TGFBRAP1: variants seen among roughly 807,000 people sequenced by gnomAD.
TGFBRAP1 encodes transforming growth factor-beta receptor-associated protein 1.
Under a neutral mutation model 83.2 loss-of-function variants are expected in TGFBRAP1, and 20 were observed. The observed-to-expected ratio is 0.24, with a 90% confidence interval of 0.17 to 0.35. TGFBRAP1 has a LOEUF of 0.35. Among genes scored for constraint, TGFBRAP1 ranks in the 10% least tolerant of loss-of-function variants. The pLI is 1.00. For missense variants in TGFBRAP1, 950 were observed against 1,099.4 expected (o/e 0.86, Z 1.92); for synonymous variants, 415 against 459.8 (o/e 0.90, Z 1.25).
At position 105,280,236 on chromosome 2, in the gene TGFBRAP1, C is replaced by A. The variant is rs80159673; in HGVS notation, c.1463+146G>T. 9,684 of 792,254 alleles carry A rather than the reference C, an allele frequency of 0.012. 674 individuals carry two copies. In the African/African-American group the frequency reaches 0.15, roughly 12 times the overall value. The allele number at this position is 792,254 out of a possible 1,614,324, so 49.1% of individuals were successfully genotyped here. ...TGAGGAGCACATGCATCTGCTGTCA[C>A]TATGATTTCGTGGCAGTCACCTATA... On this transcript the variant is annotated intron_variant, in intron 6 of 11. Transcript: ENST00000393359.
chr2:105,328,607 G>C (rs1023040613), intron 1 of TGFBRAP1, among the ~76,000 whole-genome samples: 1 of 152,172 alleles, frequency 6.6e-6, no homozygotes, highest in African/African-American at 2.4e-5. Context: ...ACACAACGCA[G>C]TAGGATCTTC....
At position 105,303,309 on chromosome 2, in the gene TGFBRAP1, C is replaced by T. The variant is rs570632189; in HGVS notation, c.688+4305G>A. Among the ~76,000 whole-genome samples, 9 of 152,316 alleles carry T rather than the reference C, an allele frequency of 5.9e-5. No individual in the cohort carries two copies. The South Asian group carries it at 1.7e-3, about 28-fold the overall frequency. On this transcript the variant is annotated intron_variant, in intron 2 of 11. Coordinates refer to ENST00000393359, the MANE Select transcript of TGFBRAP1 (RefSeq NM_004257.6). ...AAAAAGACATACTTCCCAGCACTGT[C>T]TACTGAAAGAAGGGCCTAGAAACAA...
intron 1 of TGFBRAP1, among the ~76,000 whole-genome samples, chr2:105,312,877 C>T (rs745971805): frequency 6.6e-6 from 1 of 152,030 alleles, no homozygotes; most frequent in Non-Finnish European, 1.5e-5. Flanking sequence ...TTTGGGAGGC[C>T]GAGGCAGGTG....
rs192884878 is a variant in TGFBRAP1 at position 105,295,725 on chromosome 2, C to T, written c.1038+631G>A. On this transcript the variant is annotated intron_variant, in intron 4 of 11. Coordinates refer to ENST00000393359, the MANE Select transcript of TGFBRAP1 (RefSeq NM_004257.6). ...ACTCGGGAGGCTGAGGCAGGAGAAT[C>T]GCTTGAACTCGGGAGGCAGAGGTTG... Among the ~76,000 whole-genome samples the T allele has an allele frequency of 9.4e-5, 14 of 148,420 alleles. No individual in the cohort carries two copies. In the East Asian group the frequency reaches 2.4e-3, roughly 26 times the overall value.
chr2:105,283,555 G>A (rs568878693), intron 5 of TGFBRAP1, among the ~76,000 whole-genome samples: 6 of 152,342 alleles, frequency 3.9e-5, no homozygotes, highest in Admixed American at 3.9e-4. Flanking sequence ...TAAAGGCAGT[G>A]CCTGAGTACG....
At chr2:105,288,822 G>C (rs1573182436) in intron 4 of TGFBRAP1, among the ~76,000 whole-genome samples, 1 of 152,226 alleles carries the variant, frequency 6.6e-6, no homozygotes, top group East Asian at 1.9e-4. Flanking sequence ...TTGTAAACAG[G>C]TGTGCATGTA....
intron 4 of TGFBRAP1, among the ~76,000 whole-genome samples, chr2:105,295,665 G>A (rs1006295882): frequency 6.6e-6 from 1 of 151,932 alleles, no homozygotes; most frequent in Non-Finnish European, 1.5e-5. Flanking sequence ...ACAAAAATTT[G>A]CTGGGTGTGG....
downstream of TGFBRAP1, among the ~76,000 whole-genome samples, chr2:105,261,774 G>A (rs1448736437): frequency 6.6e-6 from 1 of 152,040 alleles, no homozygotes; most frequent in Non-Finnish European, 1.5e-5. Flanking sequence ...GACAGGCAAG[G>A]CAAGGCAAGG....
At chr2:105,279,597 C>T (rs1373140845) in intron 6 of TGFBRAP1, among the ~76,000 whole-genome samples, 6 of 119,284 alleles carry the variant, frequency 5.0e-5, no homozygotes, top group Non-Finnish European at 1.3e-4. Context: ...CATGTATCAA[C>T]AAAATCAAGA....
chr2:105,290,898 C>A (rs533409689), intron 4 of TGFBRAP1, among the ~76,000 whole-genome samples: 1 of 151,888 alleles, frequency 6.6e-6, no homozygotes, highest in Non-Finnish European at 1.5e-5. Flanking sequence ...CCCAACTACT[C>A]GGGAGGCTGA....
At chr2:105,259,670 T>C (rs1284137931), downstream of TGFBRAP1, among the ~76,000 whole-genome samples, 2 of 152,168 alleles carry the variant, frequency 1.3e-5, no homozygotes, top group Non-Finnish European at 2.9e-5. Flanking sequence ...ACAGGGCAGG[T>C]GGCCACTCTG....
chr2:105,273,667 C>T lies in TGFBRAP1; in HGVS notation c.1689G>A (p.Lys563=), dbSNP rs556136365. 1 of 1,614,168 alleles carries T rather than the reference C, an allele frequency of 6.2e-7. No homozygotes were observed. The highest frequency in any genetic ancestry group is 1.3e-5 in the African/African-American group (1 of 75,036). The change falls in exon 9 of 12, where the codon AAG becomes AAA. Residue 563 remains lysine, a synonymous_variant. Transcript: ENST00000393359. ...SEEVGVQVFT[K]RPLDEQQKNS... Reference sequence around the variant, plus strand: ...TCTTCTGCTGTTCATCCAAAGGTCTCTTGGTGAAAACCTGAACTCCGACCT... The same window carrying T: ...TCTTCTGCTGTTCATCCAAAGGTCTTTTGGTGAAAACCTGAACTCCGACCT...
intron 4 of TGFBRAP1, among the ~76,000 whole-genome samples, chr2:105,290,258 G>A (rs11895985): frequency 0.018 from 2,724 of 152,196 alleles, 90 homozygotes; most frequent in African/African-American, 0.062. Context: ...GTAGAGATGG[G>A]GTTTCACCAT....
intron 5 of TGFBRAP1, among the ~76,000 whole-genome samples, chr2:105,282,851 G>A (rs184829747): frequency 5.3e-4 from 79 of 149,772 alleles, no homozygotes; most frequent in Non-Finnish European, 8.6e-4. Context: ...AAAAAAATCC[G>A]TTCTCTCAGC....
the TGFBRAP1 span, among the ~76,000 whole-genome samples, chr2:105,258,363 C>T: frequency 6.6e-6 from 1 of 151,890 alleles, no homozygotes; most frequent in East Asian, 1.9e-4. Context: ...ATGAGATTAG[C>T]TTTGGGGTTG....
intron 2 of TGFBRAP1, among the ~76,000 whole-genome samples, chr2:105,304,891 C>T (rs774950187): frequency 6.6e-6 from 1 of 152,064 alleles, no homozygotes; most frequent in African/African-American, 2.4e-5. Flanking sequence ...AAAGAAAAAA[C>T]CCCATGGAAA....
At chr2:105,291,838 C>A (rs899546590) in intron 4 of TGFBRAP1, among the ~76,000 whole-genome samples, 1 of 151,910 alleles carries the variant, frequency 6.6e-6, no homozygotes, top group Non-Finnish European at 1.5e-5. Flanking sequence ...CCATGTGTGC[C>A]AACATGGAGA....
intron 10 of TGFBRAP1, among the ~76,000 whole-genome samples, chr2:105,272,561 G>A (rs998131186): frequency 6.6e-6 from 1 of 152,168 alleles, no homozygotes; most frequent in Non-Finnish European, 1.5e-5. Context: ...TCCCTGCAAG[G>A]AGGCTGACTC....
intron 11 of TGFBRAP1, among the ~76,000 whole-genome samples, chr2:105,268,264 C>T (rs2104303855): frequency 6.6e-6 from 1 of 152,322 alleles, no homozygotes; most frequent in African/African-American, 2.4e-5. Flanking sequence ...ATGCCTTCGA[C>T]ATGGCAGGCT....
Sources: allele counts gnomAD v4.1 joint callset (sites outside exome capture counted in the v4.1 genomes callset), GRCh38; gene constraint gnomAD v4.1.1; transcripts MANE v1.5; gene names NCBI Gene and HGNC (gene_info 2026-07-23, HGNC 2026-07-21).